The following ETFA variants were observed in gnomAD, a reference collection of about 807,000 sequenced individuals.
The protein encoded by ETFA is electron transfer flavoprotein subunit alpha, mitochondrial.
A neutral mutation model predicts 46.2 loss-of-function variants in ETFA; 22 were observed. That is an observed-to-expected ratio of 0.48 (90% confidence interval 0.34 to 0.68). ETFA has a LOEUF of 0.68. Among genes scored for constraint, ETFA ranks in the 30% least tolerant of loss-of-function variants. The pLI is 0.01. For missense variants in ETFA, 345 were observed against 401.1 expected (o/e 0.86, Z 1.19); for synonymous variants, 131 against 139.9 (o/e 0.94, Z 0.45).
intron 1 of ETFA, among the ~76,000 whole-genome samples, chr15:76,303,634 T>C (rs1305628999): frequency 6.6e-6 from 1 of 151,934 alleles, no homozygotes. Flanking sequence ...ACAACCCTAT[T>C]AAAAAATGGG....
intron 9 of ETFA, chr15:76,259,917 A>C: frequency 2.7e-6 from 3 of 1,108,908 alleles, no homozygotes; most frequent in Non-Finnish European, 2.7e-6. Context: ...ATGGGGTGAC[A>C]GCCTTTAGCC....
intron 1 of ETFA, among the ~76,000 whole-genome samples, chr15:76,305,379 T>C (rs2039929833): frequency 6.6e-6 from 1 of 152,184 alleles, no homozygotes; most frequent in African/African-American, 2.4e-5. Flanking sequence ...TTCTTAAAAT[T>C]ATCAAAAACT....
intron 1 of ETFA, among the ~76,000 whole-genome samples, chr15:76,309,330 A>G (rs2039967258): frequency 6.6e-6 from 1 of 152,194 alleles, no homozygotes. Flanking sequence ...GGGTACCTGT[A>G]GTCCCAGCTA....
At chr15:76,219,252 C>G (rs1328942908) in intron 11 of ETFA, among the ~76,000 whole-genome samples, 1 of 152,170 alleles carries the variant, frequency 6.6e-6, no homozygotes, top group African/African-American at 2.4e-5. Flanking sequence ...ATAGATGGTG[C>G]TGGGACAACT....
At chr15:76,260,040 G>A in intron 9 of ETFA, 1 of 1,482,748 alleles carries the variant, frequency 6.7e-7, no homozygotes, top group Non-Finnish European at 9.4e-7. Flanking sequence ...TTGAGGCAAT[G>A]AGATCAGCTT....
chr15:76,249,737 G>A (rs1156754479), intron 9 of ETFA, among the ~76,000 whole-genome samples: 2 of 151,960 alleles, frequency 1.3e-5, no homozygotes, highest in Non-Finnish European at 1.5e-5. Context: ...CACCATGCCC[G>A]GCCCAGTAAT....
intron 9 of ETFA, chr15:76,259,946 G>A: frequency 9.5e-6 from 13 of 1,373,910 alleles, no homozygotes; most frequent in South Asian, 7.0e-5. Flanking sequence ...GAGGCTCAGA[G>A]GCTTACCCCA....
At chr15:76,249,435 ATTT>A (rs375408996) in intron 9 of ETFA, among the ~76,000 whole-genome samples, 3 of 74,804 alleles carry the variant, frequency 4.0e-5, no homozygotes, top group African/African-American at 1.6e-4. Context: ...GTCCATGGTA[ATTT>A]TTTTTTTTTT....
At chr15:76,223,202 A>G (rs1300664378) in intron 11 of ETFA, among the ~76,000 whole-genome samples, 1 of 146,110 alleles carries the variant, frequency 6.8e-6, no homozygotes, top group Non-Finnish European at 1.5e-5. Flanking sequence ...TACATATATA[A>G]CTGTACTTCA....
At chr15:76,224,403 G>A (rs2038984918) in intron 11 of ETFA, among the ~76,000 whole-genome samples, 1 of 152,220 alleles carries the variant, frequency 6.6e-6, no homozygotes, top group Admixed American at 6.5e-5. Flanking sequence ...GGGGCCTTCT[G>A]AGGGGAAGTA....
At chr15:76,280,980 A>G (rs932823515) in intron 8 of ETFA, among the ~76,000 whole-genome samples, 6 of 147,756 alleles carry the variant, frequency 4.1e-5, no homozygotes, top group Non-Finnish European at 7.4e-5. Context: ...CAGTGGCACA[A>G]TCTTAGCTCA....
At chr15:76,311,310 G>T (rs553288367) in intron 1 of ETFA, 40 bp downstream of exon 1, 10 of 1,549,170 alleles carry the variant, frequency 6.5e-6, no homozygotes, top group Admixed American at 2.0e-5. Flanking sequence ...CGGGTTGACG[G>T]GGGGCCGTCC....
At chr15:76,218,784 T>C (rs925186895) in intron 11 of ETFA, among the ~76,000 whole-genome samples, 12 of 152,148 alleles carry the variant, frequency 7.9e-5, no homozygotes, top group African/African-American at 2.7e-4. Context: ...CCTACTGATA[T>C]AAATCACAGT....
chr15:76,243,941 C>A (rs1021980288), intron 9 of ETFA, among the ~76,000 whole-genome samples: 1 of 151,950 alleles, frequency 6.6e-6, no homozygotes, highest in Non-Finnish European at 1.5e-5. Context: ...GGCTGGAGTG[C>A]GATGGTGCGA....
At chr15:76,261,538 G>C in intron 9 of ETFA, 14 of 639,666 alleles carry the variant, frequency 2.2e-5, no homozygotes. Context: ...CTGGGACACT[G>C]TCAGCTTTGC....
chr15:76,268,262 C>T (rs2039493489), intron 9 of ETFA, among the ~76,000 whole-genome samples: 1 of 147,292 alleles, frequency 6.8e-6, no homozygotes, highest in African/African-American at 2.5e-5. Context: ...TATGTTTGTA[C>T]TTTTGCAGGA....
intron 11 of ETFA, among the ~76,000 whole-genome samples, chr15:76,221,718 T>C (rs1466637255): frequency 6.6e-6 from 1 of 152,176 alleles, no homozygotes; most frequent in East Asian, 1.9e-4. Flanking sequence ...ACAAGCAAGC[T>C]GATGTCCAGA....
At chr15:76,226,521 T>C (rs1272214817) in intron 10 of ETFA, among the ~76,000 whole-genome samples, 1 of 151,730 alleles carries the variant, frequency 6.6e-6, no homozygotes, top group Non-Finnish European at 1.5e-5. Flanking sequence ...GAGGCAGAGG[T>C]TGCAGTGAGC....
chr15:76,295,847 C>A (rs1596224539), intron 1 of ETFA, 110 bp from the exon 2 acceptor site: 4 of 680,644 alleles, frequency 5.9e-6, no homozygotes, highest in African/African-American at 2.0e-5. Context: ...CTATTCTGTA[C>A]ACAATATTAT....
Sources: allele counts gnomAD v4.1 joint callset (sites outside exome capture counted in the v4.1 genomes callset), GRCh38; gene constraint gnomAD v4.1.1; transcripts MANE v1.5; gene names NCBI Gene and HGNC (gene_info 2026-07-23, HGNC 2026-07-21).